The following VAV2 variants were observed in gnomAD, a reference collection of about 807,000 sequenced individuals.
The protein encoded by VAV2 is vav guanine nucleotide exchange factor 2.
Under a neutral mutation model 132.5 loss-of-function variants are expected in VAV2, and 67 were observed. The ratio of observed to expected loss-of-function variants is 0.51; its 90% CI spans 0.42 to 0.62. The LOEUF (loss-of-function observed/expected upper bound fraction) is 0.62. VAV2 is among the 20% of genes least tolerant of loss of function. VAV2 has a pLI of 0.00. For synonymous variants in VAV2, 492 were observed against 443.5 expected (o/e 1.11, Z -1.37); for missense variants, 938 against 1,153.6 (o/e 0.81, Z 2.71).
chr9:133,838,297 G>C (rs907237756), intron 3 of VAV2, among the ~76,000 whole-genome samples: 2 of 151,484 alleles, frequency 1.3e-5, no homozygotes, highest in African/African-American at 4.9e-5. Context: ...TCTCAGCTTG[G>C]GTCTGCCTCT....
At chr9:133,793,127 C>G (rs550315854) in intron 12 of VAV2, among the ~76,000 whole-genome samples, 42 of 152,260 alleles carry the variant, frequency 2.8e-4, no homozygotes, top group Non-Finnish European at 5.1e-4. Flanking sequence ...TGGCCACCCC[C>G]ACTCCGGCGC....
intron 1 of VAV2, among the ~76,000 whole-genome samples, chr9:133,943,676 C>T (rs1313534312): frequency 6.6e-6 from 1 of 152,170 alleles, no homozygotes; most frequent in Non-Finnish European, 1.5e-5. Context: ...TTGTTTAGGG[C>T]ACTCTGAGGG....
intron 2 of VAV2, among the ~76,000 whole-genome samples, chr9:133,893,088 G>A (rs1161309904): frequency 1.3e-5 from 2 of 152,202 alleles, no homozygotes; most frequent in East Asian, 3.8e-4. Context: ...TCAGAGGACA[G>A]CACGGTCCAA....
chr9:133,812,003 T>TCC, intron 5 of VAV2, 111 bp downstream of exon 5: 1 of 1,099,454 alleles, frequency 9.1e-7, no homozygotes, highest in East Asian at 2.4e-5. Context: ...CCAGAGCAGC[T>TCC]CCCCTTCGGT....
intron 2 of VAV2, among the ~76,000 whole-genome samples, chr9:133,864,664 T>G (rs997008881): frequency 2.6e-5 from 4 of 152,246 alleles, no homozygotes; most frequent in African/African-American, 9.6e-5. Flanking sequence ...GCATTTATAG[T>G]TCAGGGCCCA....
intron 2 of VAV2, among the ~76,000 whole-genome samples, chr9:133,924,631 G>C: frequency 6.6e-6 from 1 of 151,808 alleles, no homozygotes; most frequent in African/African-American, 2.4e-5. Flanking sequence ...ACGTCCACTA[G>C]GAGGCCAGTC....
intron 2 of VAV2, among the ~76,000 whole-genome samples, chr9:133,916,929 C>T (rs779114851): frequency 6.6e-6 from 1 of 152,140 alleles, no homozygotes; most frequent in Non-Finnish European, 1.5e-5. Context: ...TCAGCGTCCC[C>T]GTCCATCAAA....
intron 1 of VAV2, among the ~76,000 whole-genome samples, chr9:133,950,539 C>T (rs533207240): frequency 6.6e-6 from 1 of 152,246 alleles, no homozygotes; most frequent in Admixed American, 6.5e-5. Context: ...CCCACACAAT[C>T]GGGACTTCAA....
Position 133,951,787 on chromosome 9 carries a change from T to TAC in VAV2, c.205-12570_205-12569dup, listed in dbSNP as rs1306010373. 8.5e-5 allele frequency among the ~76,000 whole-genome samples: 13 copies of TAC among 152,294 alleles called. No individual in the cohort carries two copies. In the East Asian group the frequency reaches 2.5e-3, roughly 29 times the overall value. ...CAAAGCAGAGGCGGTTTCCCCATTT[T>TAC]ACAGATGGGCAGAGTGAGGCTTCAG... On this transcript the variant is annotated intron_variant, in intron 1 of 29. Transcript: ENST00000371850.
At chr9:133,868,584 C>T (rs1588290287) in intron 2 of VAV2, among the ~76,000 whole-genome samples, 3 of 152,372 alleles carry the variant, frequency 2.0e-5, no homozygotes, top group South Asian at 4.1e-4. Flanking sequence ...CTCATGGCTG[C>T]ACTCCATCCT....
intron 12 of VAV2, among the ~76,000 whole-genome samples, chr9:133,795,023 C>T (rs1347140789): frequency 6.6e-6 from 1 of 152,222 alleles, no homozygotes; most frequent in Non-Finnish European, 1.5e-5. Flanking sequence ...GTGCAGGGCA[C>T]GTGCAGGAGC....
chr9:133,907,363 C>T (rs1294951149), intron 2 of VAV2, among the ~76,000 whole-genome samples: 1 of 152,232 alleles, frequency 6.6e-6, no homozygotes, highest in African/African-American at 2.4e-5. Context: ...CCGGTCACTC[C>T]ATCCCATCAC....
intron 2 of VAV2, among the ~76,000 whole-genome samples, chr9:133,878,720 C>CAA (rs1441201053): frequency 6.6e-6 from 1 of 152,216 alleles, no homozygotes; most frequent in Non-Finnish European, 1.5e-5. Context: ...CAGGGGGATC[C>CAA]CCCAAGCAGT....
At chr9:133,984,343 G>A (rs1842787797) in intron 1 of VAV2, among the ~76,000 whole-genome samples, 1 of 152,212 alleles carries the variant, frequency 6.6e-6, no homozygotes, top group South Asian at 2.1e-4. Context: ...TCTGACTGCA[G>A]TGGCTCATGC....
chr9:133,897,672 C>T (rs1394769511), intron 2 of VAV2, among the ~76,000 whole-genome samples: 3 of 152,154 alleles, frequency 2.0e-5, no homozygotes, highest in African/African-American at 7.2e-5. Flanking sequence ...ATTTCCAGAT[C>T]GTCCATGATT....
intron 2 of VAV2, among the ~76,000 whole-genome samples, chr9:133,890,788 T>G (rs908344634): frequency 6.6e-6 from 1 of 152,128 alleles, no homozygotes; most frequent in Non-Finnish European, 1.5e-5. Flanking sequence ...CTTGAAGCAC[T>G]TAGGTGGAAG....
rs1840200740 is a variant in VAV2, at chr9:133,918,925, A to C, written c.321+20178T>G. Among the ~76,000 whole-genome samples the C allele has an allele frequency of 6.6e-6, 1 of 151,940 alleles. No homozygotes were observed. Among genetic ancestry groups the C allele is most frequent in the Non-Finnish European group, 1.5e-5 (1 of 67,964 alleles). On this transcript the variant is annotated intron_variant, in intron 2 of 29. Transcript: ENST00000371850. The surrounding 1 kb of genome is among the most constrained non-coding windows in gnomAD (Gnocchi z 4.7). ...CAAGTAGCTGGGATTACAGGCGTGC[A>C]CCACCACACCAGGCTAATTTTGTAT...
In VAV2 at chr9:133,796,032, G is replaced by A. The variant is rs75392055; in HGVS notation, c.1033-296C>T. 6.0e-3 allele frequency among the ~76,000 whole-genome samples: 908 copies of A among 152,344 alleles called. 6 individuals are homozygous for A. Among genetic ancestry groups the A allele is most frequent in the African/African-American group, 0.019 (803 of 41,578 alleles). ...GCAAGGCGCTGTGCCAGCATTCCAC[G>A]GGAAAAGGGCCTCGCAAGGTGCCGG... On this transcript the variant is annotated intron_variant, in intron 11 of 29. Transcript: ENST00000371850.
At position 133,988,833 on chromosome 9, in the gene VAV2, C is replaced by T. The variant is rs144826289; in HGVS notation, c.204+3242G>A. Among the ~76,000 whole-genome samples, 388 of 152,066 alleles carry T rather than the reference C, an allele frequency of 2.6e-3. 2 individuals are homozygous for T. The highest frequency in any genetic ancestry group is 9.0e-3 in the African/African-American group (374 of 41,458). ...CTGTAATCCCACCACTTTGGGAGGC[C>T]GAGGCGGGCAGATCACAAGGTCAGG... is the stretch of plus-strand genomic sequence containing the variant. On this transcript the variant is annotated intron_variant, in intron 1 of 29. Coordinates refer to ENST00000371850, the MANE Select transcript of VAV2 (RefSeq NM_001134398.2).
Sources: gnomAD v4.1 joint callset for allele counts (sites outside exome capture counted in the v4.1 genomes callset) on GRCh38, gnomAD v4.1.1 for gene constraint, Gnocchi (gnomAD v3.1) non-coding constraint, MANE v1.5 for transcripts, NCBI Gene and HGNC (gene_info 2026-07-23, HGNC 2026-07-21) for gene names.